CFAP61: variants seen among roughly 807,000 people sequenced by gnomAD.
CFAP61 encodes the protein cilia- and flagella-associated protein 61.
In CFAP61, 107 loss-of-function variants were observed where a neutral mutation model predicts 135.6. The observed-to-expected ratio is 0.79, with a 90% CI of 0.67 to 0.93. The LOEUF (loss-of-function observed/expected upper bound fraction) is 0.93. CFAP61 is among the 40% of genes least tolerant of loss of function. The pLI is 0.00. For missense variants in CFAP61, 1,507 were observed against 1,556.2 expected, an observed-to-expected ratio of 0.97 and a Z score of 0.53; for synonymous variants, 575 against 578.5, an observed-to-expected ratio of 0.99 and a Z score of 0.09.
rs936650121 is a variant in CFAP61 at position 20,323,376 on chromosome 20, G to A, written c.3423-18455G>A. The A allele has an allele frequency of 5.4e-6, 5 of 918,634 alleles. No individual in the cohort carries two copies. In the Admixed American group the frequency reaches 1.9e-4, roughly 34 times the overall value. 56.9% of individuals were successfully genotyped at this position (918,634 alleles called of 1,614,324 possible). On this transcript the variant is annotated intron_variant, in intron 25 of 26. Transcript: ENST00000245957. The stretch of plus-strand genomic sequence containing the variant: ...ACAATTTGTTCCTAAAAGCAAGTAT[G>A]GAATTCAAATGCCCAGAAACCAAAT...
chr20:20,272,440 A>C (rs1461319571), intron 21 of CFAP61, among the ~76,000 whole-genome samples: 1 of 128,028 alleles, frequency 7.8e-6, no homozygotes, highest in Non-Finnish European at 1.8e-5. Flanking sequence ...TAAATAAATT[A>C]ATTAATTATA....
chr20:20,126,938 T>C (rs1387898024), intron 8 of CFAP61, among the ~76,000 whole-genome samples: 1 of 151,720 alleles, frequency 6.6e-6, no homozygotes, highest in Non-Finnish European at 1.5e-5. Flanking sequence ...TTTGTTTTTG[T>C]TGGATTGGGT....
chr20:20,170,238 G>A (rs560355651), intron 13 of CFAP61, among the ~76,000 whole-genome samples: 3 of 152,284 alleles, frequency 2.0e-5, no homozygotes, highest in Admixed American at 2.0e-4. Flanking sequence ...GAATGGGAAA[G>A]TTCTTTTTAA....
chr20:20,079,513 C>A lies in CFAP61; in HGVS notation c.566+3898C>A, dbSNP rs11908313. On this transcript the variant is annotated intron_variant, in intron 6 of 26. Coordinates refer to ENST00000245957, the MANE Select transcript of CFAP61 (RefSeq NM_015585.4). ...TTGAAGGGAAGCAGAGAGAGGGAGG[C>A]CAGAAACCTACCTGCAGATGCTGAA... 6.3e-3 allele frequency among the ~76,000 whole-genome samples: 956 copies of A among 152,132 alleles called. 5 individuals are homozygous for A. Among genetic ancestry groups the A allele is most frequent in the African/African-American group, 0.021 (889 of 41,500 alleles).
At chr20:20,266,700 T>A (rs182593129) in intron 21 of CFAP61, among the ~76,000 whole-genome samples, 17 of 152,284 alleles carry the variant, frequency 1.1e-4, no homozygotes, top group Admixed American at 8.5e-4. Flanking sequence ...TGAGTTAAGC[T>A]CCTCCTCACG....
chr20:20,054,341 C>T (rs1173326351), intron 1 of CFAP61, among the ~76,000 whole-genome samples: 1 of 151,666 alleles, frequency 6.6e-6, no homozygotes, highest in Non-Finnish European at 1.5e-5. Flanking sequence ...AAACTATGGG[C>T]CGTAGACTAA....
chr20:20,357,256 G>A (rs2059246973), intron 26 of CFAP61, among the ~76,000 whole-genome samples: 7 of 44,132 alleles, frequency 1.6e-4, no homozygotes, highest in Admixed American at 9.9e-4. Flanking sequence ...TAGTCACACT[G>A]TGAAGGGTGG....
At chr20:20,212,618 A>G (rs968604358) in intron 17 of CFAP61, among the ~76,000 whole-genome samples, 2 of 152,042 alleles carry the variant, frequency 1.3e-5, no homozygotes, top group African/African-American at 4.8e-5. Flanking sequence ...GATAAACACC[A>G]TGGCTTTTGT....
chr20:20,321,490 G>A (rs1159406972), intron 25 of CFAP61, among the ~76,000 whole-genome samples: 1 of 152,188 alleles, frequency 6.6e-6, no homozygotes, highest in East Asian at 1.9e-4. Context: ...ATAGATTTAA[G>A]GTAAAAAGGA....
rs769562722 is a variant in CFAP61 at position 20,164,099 on chromosome 20, A to G, written c.1076A>G (p.His359Arg). ...TCCACTGGATATGCACAGTATCACC[A>G]TGTCAGCAGTAGGAGCTTGGCATCG... Reference protein sequence around the residue: ...DISTGYAQYHHVSSRSLASLV... With the variant: ...DISTGYAQYHRVSSRSLASLV... Residue 359 changes from histidine (H) to arginine (R), a missense_variant, in exon 11 of 27, where the codon CAT becomes CGT. Coordinates refer to ENST00000245957, the MANE Select transcript of CFAP61 (RefSeq NM_015585.4). 9 of 1,613,958 alleles carry G rather than the reference A, an allele frequency of 5.6e-6. No individual in the cohort carries two copies. The highest frequency in any genetic ancestry group is 1.7e-5 in the Admixed American group (1 of 60,000).
intron 25 of CFAP61, among the ~76,000 whole-genome samples, chr20:20,307,887 A>C (rs1474813243): frequency 6.6e-6 from 1 of 152,238 alleles, no homozygotes; most frequent in Non-Finnish European, 1.5e-5. Flanking sequence ...TTTCACTTAA[A>C]AATGATTTCA....
intron 3 of CFAP61, among the ~76,000 whole-genome samples, chr20:20,073,330 C>CA (rs2045850575): frequency 6.6e-6 from 1 of 152,218 alleles, no homozygotes; most frequent in African/African-American, 2.4e-5. Flanking sequence ...GCTCATGAAT[C>CA]AAAACATGGT....
chr20:20,253,141 T>C (rs1446759654), intron 20 of CFAP61, among the ~76,000 whole-genome samples: 1 of 140,338 alleles, frequency 7.1e-6, no homozygotes, highest in Non-Finnish European at 1.5e-5. Flanking sequence ...CCTGAGATGC[T>C]ACATTTTCTT....
rs921304477 is a variant in CFAP61, at chr20:20,360,594, G to A, written c.*184G>A. On this transcript the variant is annotated 3_prime_UTR_variant, in exon 27 of 27. Coordinates refer to ENST00000245957, the MANE Select transcript of CFAP61 (RefSeq NM_015585.4). ...TCTATCATCCCAGTAGGTGGCACAC[G>A]GCCGTGTGCCTCTCTTCTGGGGCAG... is the stretch of plus-strand genomic sequence containing the variant. The A allele has an allele frequency of 1.7e-4, 101 of 600,076 alleles. No individual in the cohort carries two copies. The highest frequency in any genetic ancestry group is 2.3e-4 in the Non-Finnish European group (79 of 341,206). The allele number at this position is 600,076 out of a possible 1,614,324, so 37.2% of individuals were successfully genotyped here. A position where few individuals can be genotyped will look rare whatever the true frequency, so the allele number is the denominator to read the frequency against.
At chr20:20,173,415 G>A (rs184436023) in intron 13 of CFAP61, among the ~76,000 whole-genome samples, 19 of 152,278 alleles carry the variant, frequency 1.2e-4, no homozygotes, top group African/African-American at 3.9e-4. Context: ...GAGAGTTCCC[G>A]CTGCTACACA....
intron 14 of CFAP61, among the ~76,000 whole-genome samples, chr20:20,189,935 C>T (rs2055799870): frequency 6.6e-6 from 1 of 152,178 alleles, no homozygotes; most frequent in African/African-American, 2.4e-5. Flanking sequence ...GCTGGGATTA[C>T]ACGTGCCTGC....
chr20:20,075,659 A>G, intron 6 of CFAP61, 44 bp downstream of exon 6: 1 of 1,606,058 alleles, frequency 6.2e-7, no homozygotes, highest in Non-Finnish European at 8.5e-7. Flanking sequence ...CTTCACTGGG[A>G]CAGTCATCTT....
chr20:20,308,762 T>C (rs1401035727), intron 25 of CFAP61, among the ~76,000 whole-genome samples: 2 of 152,204 alleles, frequency 1.3e-5, no homozygotes, highest in Admixed American at 6.5e-5. Context: ...CACATCTTCG[T>C]AAAATCGCTG....
At chr20:20,227,974 GT>G (rs1440842155) in intron 17 of CFAP61, among the ~76,000 whole-genome samples, 2 of 152,178 alleles carry the variant, frequency 1.3e-5, no homozygotes, top group Non-Finnish European at 2.9e-5. Context: ...AAGGATCTCA[GT>G]TCTGTATGAA....
Sources: allele counts gnomAD v4.1 joint callset (sites outside exome capture counted in the v4.1 genomes callset), GRCh38; gene constraint gnomAD v4.1.1; transcripts MANE v1.5; gene names NCBI Gene and HGNC (gene_info 2026-07-23, HGNC 2026-07-21).